The following DYSF variants were observed in gnomAD, a reference collection of about 807,000 sequenced individuals.
The protein encoded by DYSF is dysferlin.
In DYSF, 212 loss-of-function variants were observed where a neutral mutation model predicts 274.9. That is an observed-to-expected ratio of 0.77 (90% CI 0.69 to 0.86). The LOEUF (loss-of-function observed/expected upper bound fraction) is 0.86, where lower values mean the gene tolerates loss of function less well. Among genes scored for constraint, DYSF ranks in the 40% least tolerant of loss-of-function variants. The pLI is 0.00. For missense variants in DYSF, 2,666 were observed against 2,783.2 expected (o/e 0.96, Z 0.95); for synonymous variants, 1,091 against 1,078.7 (o/e 1.01, Z -0.22).
At chr2:71,520,275 T>A in intron 11 of DYSF, 67 bp downstream of exon 11, 2 of 1,546,694 alleles carry the variant, frequency 1.3e-6, no homozygotes, top group Non-Finnish European at 1.8e-6. Context: ...GGACACTCAT[T>A]TGGGGTCCTC....
At chr2:71,476,403 A>G (rs1223412065) in intron 1 of DYSF, among the ~76,000 whole-genome samples, 1 of 152,004 alleles carries the variant, frequency 6.6e-6, no homozygotes, top group East Asian at 1.9e-4. Context: ...TAGCCAAGCT[A>G]GGTGGTAGGC....
intron 42 of DYSF, among the ~76,000 whole-genome samples, chr2:71,654,011 G>C (rs1183296866): frequency 6.6e-6 from 1 of 152,006 alleles, no homozygotes; most frequent in African/African-American, 2.4e-5. Context: ...ACATTTGATA[G>C]ACCAAAGTTT....
At chr2:71,517,781 G>A (rs1173160878) in intron 10 of DYSF, among the ~76,000 whole-genome samples, 1 of 152,128 alleles carries the variant, frequency 6.6e-6, no homozygotes, top group Non-Finnish European at 1.5e-5. Flanking sequence ...GGCTTATTTA[G>A]TTTCTTAAAA....
In DYSF at chr2:71,674,277, C is replaced by G; in HGVS notation, c.5865C>G (p.Phe1955Leu). 6.2e-7 allele frequency: 1 copy of G among 1,614,256 alleles called. No homozygotes were observed. Among genetic ancestry groups the G allele is most frequent in the Non-Finnish European group, 8.5e-7 (1 of 1,180,046 alleles). Residue 1955 changes from phenylalanine (F) to leucine (L), a missense_variant, in exon 52 of 56, where the codon TTC becomes TTG. By Grantham distance (22) the Phe-to-Leu change is conservative. This residue lies in a region of DYSF where 1,460 missense variants were observed against 1,502.1 expected (regional missense o/e 0.97). Transcript: ENST00000410020. ...VVFQIWDNDK[F>L]SFDDFLGSLQ... ...TCCAGATCTGGGACAATGACAAGTT[C>G]TCCTTTGATGATTTTCTGGGTAAGC...
intron 12 of DYSF, among the ~76,000 whole-genome samples, chr2:71,525,223 G>C (rs1234902462): frequency 6.6e-6 from 1 of 150,916 alleles, no homozygotes; most frequent in African/African-American, 2.4e-5. Flanking sequence ...TTCCTTTTTT[G>C]TTTTTGAGAT....
intron 15 of DYSF, 48 bp downstream of exon 15, chr2:71,535,137 G>C (rs369063222): frequency 2.1e-4 from 344 of 1,610,662 alleles, no homozygotes; most frequent in Non-Finnish European, 2.7e-4. Flanking sequence ...TGGGGCTCTG[G>C]GCTTCGGGAG....
intron 13 of DYSF, 65 bp downstream of exon 13, chr2:71,526,411 T>TGGGGGGGGG: frequency 2.9e-5 from 9 of 306,868 alleles, no homozygotes; most frequent in Non-Finnish European, 3.0e-5. Flanking sequence ...CTGGTGGGGG[T>TGGGGGGGGG]GGGCGATGGC....
At chr2:71,646,628 A>C (rs2094571531) in intron 42 of DYSF, among the ~76,000 whole-genome samples, 1 of 152,214 alleles carries the variant, frequency 6.6e-6, no homozygotes, top group Admixed American at 6.5e-5. Flanking sequence ...GGGACAAAAC[A>C]ACTCCTAATC....
intron 48 of DYSF, 112 bp downstream of exon 48, chr2:71,667,627 C>T (rs1215989533): frequency 7.5e-6 from 11 of 1,470,498 alleles, no homozygotes; most frequent in Non-Finnish European, 1.0e-5. Flanking sequence ...TTTGGTCAAT[C>T]CTTCCTTGAC....
intron 42 of DYSF, among the ~76,000 whole-genome samples, chr2:71,644,923 G>T (rs891424109): frequency 1.3e-5 from 2 of 152,226 alleles, no homozygotes; most frequent in Non-Finnish European, 2.9e-5. Context: ...AACAGGAAAA[G>T]TTCCCTTATC....
chr2:71,474,487 A>G (rs1344094274), intron 1 of DYSF, among the ~76,000 whole-genome samples: 1 of 152,204 alleles, frequency 6.6e-6, no homozygotes, highest in Non-Finnish European at 1.5e-5. Flanking sequence ...GGCCTAAATT[A>G]ATAATCAGGA....
At chr2:71,674,655 GGTCTCAAGTCA>G (rs2095189882) in intron 52 of DYSF, among the ~76,000 whole-genome samples, 1 of 152,202 alleles carries the variant, frequency 6.6e-6, no homozygotes, top group Admixed American at 6.5e-5. Flanking sequence ...TGTGAGTGAG[GGTCTCAAGTCA>G]GTCTTCATCC....
At chr2:71,582,274 G>A (rs2092923442) in intron 30 of DYSF, among the ~76,000 whole-genome samples, 1 of 152,116 alleles carries the variant, frequency 6.6e-6, no homozygotes, top group Non-Finnish European at 1.5e-5. Context: ...GCCCTTTATA[G>A]ACAAGGTCTG....
Position 71,518,023 on chromosome 2 carries a change from C to T in DYSF, c.1002+984C>T, listed in dbSNP as rs115561911. On this transcript the variant is annotated intron_variant, in intron 10 of 55. Coordinates refer to ENST00000410020, the MANE Select transcript of DYSF (RefSeq NM_001130987.2). ...GCCATCTTGGGCCAGTGAGACCCAG[C>T]GCTCTCTGCCCTGACATCACTCTCA... Among the ~76,000 whole-genome samples the T allele has an allele frequency of 5.5e-3, 839 of 152,184 alleles. 4 individuals carry two copies. Among genetic ancestry groups the T allele is most frequent in the African/African-American group, 0.017 (714 of 41,530 alleles).
intron 14 of DYSF, among the ~76,000 whole-genome samples, chr2:71,532,143 A>C (rs781692443): frequency 7.2e-5 from 11 of 152,200 alleles, no homozygotes; most frequent in Non-Finnish European, 1.6e-4. Flanking sequence ...TGATGGCTGC[A>C]TAATATTCTG....
intron 17 of DYSF, among the ~76,000 whole-genome samples, chr2:71,540,732 C>T (rs1306103061): frequency 6.6e-6 from 1 of 151,098 alleles, no homozygotes; most frequent in Non-Finnish European, 1.5e-5. Flanking sequence ...TATTTATGTT[C>T]TCAGTCCATA....
chr2:71,543,870 G>GTGGGGAGAGGGAGAGGGAGAGGGAT (rs2090211794), intron 17 of DYSF, among the ~76,000 whole-genome samples: 2 of 147,346 alleles, frequency 1.4e-5, no homozygotes, highest in Non-Finnish European at 3.0e-5. Context: ...GGGAGAGGGA[G>GTGGGGAGAGGGAGAGGGAGAGGGAT]ACCGTGGGGA....
intron 32 of DYSF, 46 bp downstream of exon 32, chr2:71,590,334 C>G: frequency 1.2e-6 from 2 of 1,605,036 alleles, no homozygotes; most frequent in Non-Finnish European, 1.7e-6. Flanking sequence ...GGGCTGAGAT[C>G]TGGGAATGGA....
chr2:71,470,730 TTCCTTCTTTCC>T (rs2081958602), intron 1 of DYSF, among the ~76,000 whole-genome samples: 3 of 125,040 alleles, frequency 2.4e-5, no homozygotes, highest in African/African-American at 9.8e-5. Context: ...CTTTCCTTCC[TTCCTTCTTTCC>T]TTCCTTCCTT....
Sources: allele counts gnomAD v4.1 joint callset (sites outside exome capture counted in the v4.1 genomes callset), GRCh38; gene constraint gnomAD v4.1.1; regional missense constraint gnomAD v4.1.1; transcripts MANE v1.5; gene names NCBI Gene and HGNC (gene_info 2026-07-23, HGNC 2026-07-21).